CCDC102B: variants seen among roughly 807,000 people sequenced by gnomAD.
CCDC102B encodes the protein coiled-coil domain containing 102B.
In CCDC102B, 75 loss-of-function variants were observed where a neutral mutation model predicts 57.4. That is an observed-to-expected ratio of 1.31 (90% CI 1.08 to 1.58). The LOEUF (loss-of-function observed/expected upper bound fraction) is 1.58. Ranked by LOEUF, CCDC102B falls within the 40% of genes most tolerant of loss-of-function variation. CCDC102B has a pLI of 0.00. For missense variants in CCDC102B, 636 were observed against 582.6 expected, an observed-to-expected ratio of 1.09 and a Z score of -0.94; for synonymous variants, 206 against 201.9, an observed-to-expected ratio of 1.02 and a Z score of -0.17.
chr18:68,777,190 A>G (rs1350755225), intron 2 of CCDC102B, among the ~76,000 whole-genome samples: 2 of 152,198 alleles, frequency 1.3e-5, no homozygotes, highest in East Asian at 3.8e-4. Context: ...GTTTTAAAGG[A>G]CTATTTCTCC....
chr18:68,795,127 G>A (rs920649331), upstream of CCDC102B, among the ~76,000 whole-genome samples: 1 of 152,134 alleles, frequency 6.6e-6, no homozygotes, highest in South Asian at 2.1e-4. Context: ...TGTAAAGACG[G>A]GTTATTAAAT....
At chr18:68,791,406 G>A (rs1216484468) in intron 2 of CCDC102B, among the ~76,000 whole-genome samples, 2 of 152,192 alleles carry the variant, frequency 1.3e-5, no homozygotes, top group Non-Finnish European at 2.9e-5. Flanking sequence ...TGATTTAGAT[G>A]TATTAAGGTG....
intron 7 of CCDC102B, among the ~76,000 whole-genome samples, chr18:69,045,417 CTA>C (rs1016437161): frequency 3.3e-5 from 5 of 151,964 alleles, no homozygotes; most frequent in African/African-American, 1.2e-4. Context: ...TGTATTATAA[CTA>C]TGTTCTTTAC....
At chr18:68,964,693 C>A (rs975432302) in intron 6 of CCDC102B, among the ~76,000 whole-genome samples, 1 of 151,698 alleles carries the variant, frequency 6.6e-6, no homozygotes, top group African/African-American at 2.4e-5. Flanking sequence ...CCCTTTCTTT[C>A]TTTTCTTTGG....
chr18:68,869,635 G>A (rs928922340), intron 4 of CCDC102B, among the ~76,000 whole-genome samples: 1 of 152,170 alleles, frequency 6.6e-6, no homozygotes, highest in Non-Finnish European at 1.5e-5. Flanking sequence ...TTTGTCAGAT[G>A]GATAGATTGC....
chr18:68,973,324 G>T (rs1443225390), intron 6 of CCDC102B, among the ~76,000 whole-genome samples: 1 of 152,088 alleles, frequency 6.6e-6, no homozygotes, highest in Non-Finnish European at 1.5e-5. Context: ...ATATGATTCA[G>T]GGAAATGTAT....
At chr18:69,049,283 A>T (rs1040525200) in intron 7 of CCDC102B, among the ~76,000 whole-genome samples, 1 of 152,086 alleles carries the variant, frequency 6.6e-6, no homozygotes, top group African/African-American at 2.4e-5. Context: ...GAGTGAGAAC[A>T]TGTGGTATTT....
intron 1 of CCDC102B, among the ~76,000 whole-genome samples, chr18:68,812,660 A>G (rs1420755508): frequency 2.6e-5 from 4 of 152,222 alleles, no homozygotes; most frequent in Non-Finnish European, 4.4e-5. Context: ...ACAACGAGGC[A>G]GTGAAACAAA....
intron 2 of CCDC102B, among the ~76,000 whole-genome samples, chr18:68,788,211 T>C (rs1041359694): frequency 9.9e-5 from 15 of 152,234 alleles, no homozygotes; most frequent in Non-Finnish European, 1.9e-4. Flanking sequence ...TTATAATTTC[T>C]GATCTTTTAC....
intron 2 of CCDC102B, among the ~76,000 whole-genome samples, chr18:68,723,105 G>A (rs528159807): frequency 2.0e-5 from 3 of 152,166 alleles, no homozygotes; most frequent in Non-Finnish European, 4.4e-5. Context: ...TCACAGGGTG[G>A]CAGGACAGAG....
intron 6 of CCDC102B, among the ~76,000 whole-genome samples, chr18:68,942,814 C>A (rs1348035395): frequency 6.6e-6 from 1 of 151,134 alleles, no homozygotes; most frequent in Non-Finnish European, 1.5e-5. Context: ...AGCACAGACC[C>A]TTTACAGGTG....
Position 68,838,495 on chromosome 18 carries a change from A to G in CCDC102B, c.607-211A>G, listed in dbSNP as rs796174852. 11 of 984,590 alleles carry G rather than the reference A, an allele frequency of 1.1e-5. No homozygotes were observed. The African/African-American group carries it at 1.7e-4, about 16-fold the overall frequency. The allele number at this position is 984,590 out of a possible 1,614,324, so 61.0% of individuals were successfully genotyped here. ...TTAAAGCAGAACTTTTGAGAAATGT[A>G]TTTTTTTTATGAGAAAGTAGAACAT... On this transcript the variant is annotated intron_variant, in intron 2 of 7. Transcript: ENST00000360242.
At chr18:69,056,886 T>C (rs2052827984), downstream of CCDC102B, among the ~76,000 whole-genome samples, 1 of 152,066 alleles carries the variant, frequency 6.6e-6, no homozygotes, top group Non-Finnish European at 1.5e-5. Flanking sequence ...CTGAAAATTC[T>C]ATGCCCATTA....
intron 5 of CCDC102B, among the ~76,000 whole-genome samples, chr18:68,884,822 T>C (rs1383221895): frequency 6.6e-6 from 1 of 150,958 alleles, no homozygotes; most frequent in Non-Finnish European, 1.5e-5. Context: ...GTAACAGAAC[T>C]GTACTGTATA....
chr18:68,772,255 A>G, intron 2 of CCDC102B, among the ~76,000 whole-genome samples: 1 of 152,130 alleles, frequency 6.6e-6, no homozygotes, highest in East Asian at 1.9e-4. Flanking sequence ...TACTCAGTGA[A>G]TTTTTGTACT....
rs1261304311 is a variant in CCDC102B at position 68,897,372 on chromosome 18, A to G, written c.1207A>G (p.Asn403Asp). 3 of 1,612,740 alleles carry G rather than the reference A, an allele frequency of 1.9e-6. No homozygotes were observed. The highest frequency in any genetic ancestry group is 2.5e-6 in the Non-Finnish European group (3 of 1,179,240). The change falls in exon 6 of 8, where the codon AAC becomes GAC. Residue 403 changes from asparagine to aspartate, a missense_variant. Coordinates refer to ENST00000360242, the MANE Select transcript of CCDC102B (RefSeq NM_024781.3). ...GGATAAGAAAAATAGATTAAGTGCA[A>G]ACTCTCAAAGTCCTGATTTCAAGAT... ...LLDKKNRLSA[N>D]SQSPDFKMSQ...
intron 6 of CCDC102B, among the ~76,000 whole-genome samples, chr18:68,988,299 A>C (rs1343581786): frequency 6.6e-6 from 1 of 152,184 alleles, no homozygotes; most frequent in African/African-American, 2.4e-5. Context: ...AGGAATGGAC[A>C]GCCAAATATT....
At chr18:68,882,499 A>C (rs768075990) in intron 5 of CCDC102B, among the ~76,000 whole-genome samples, 13 of 152,360 alleles carry the variant, frequency 8.5e-5, no homozygotes, top group Non-Finnish European at 1.3e-4. Context: ...TATTTCTAGA[A>C]TCTAGAGTGA....
intron 6 of CCDC102B, among the ~76,000 whole-genome samples, chr18:68,905,435 A>G (rs1294897270): frequency 6.6e-6 from 1 of 151,162 alleles, no homozygotes; most frequent in Non-Finnish European, 1.5e-5. Context: ...TAAAATCATA[A>G]GATTAGTGTA....
Sources: gnomAD v4.1 joint callset for allele counts (sites outside exome capture counted in the v4.1 genomes callset) on GRCh38, gnomAD v4.1.1 for gene constraint, MANE v1.5 for transcripts, NCBI Gene and HGNC (gene_info 2026-07-23, HGNC 2026-07-21) for gene names.